The following NALF1 variants were observed in gnomAD, a reference collection of about 807,000 sequenced individuals.
The protein encoded by NALF1 is family with sequence similarity 155 member A.
Under a neutral mutation model 48.4 loss-of-function variants are expected in NALF1, and 3 were observed. The observed-to-expected ratio is 0.06, with a 90% CI of 0.03 to 0.16. The LOEUF (loss-of-function observed/expected upper bound fraction) is 0.16, where lower values mean the gene tolerates loss of function less well. Among genes scored for constraint, NALF1 ranks in the 10% least tolerant of loss-of-function variants. The pLI, the probability that NALF1 is intolerant of heterozygous loss-of-function variation, is 1.00. For synonymous variants in NALF1, 262 were observed against 245.7 expected, an observed-to-expected ratio of 1.07 and a Z score of -0.62; for missense variants, 526 against 571.5, an observed-to-expected ratio of 0.92 and a Z score of 0.81.
chr13:107,471,116 G>A (rs910980365), intron 1 of NALF1, among the ~76,000 whole-genome samples: 2 of 152,268 alleles, frequency 1.3e-5, no homozygotes, highest in African/African-American at 4.8e-5. Flanking sequence ...CTACTGGAGA[G>A]GCTGAAAGAG....
intron 1 of NALF1, among the ~76,000 whole-genome samples, chr13:107,505,201 C>T (rs1875655952): frequency 6.6e-6 from 1 of 152,084 alleles, no homozygotes; most frequent in Admixed American, 6.6e-5. Context: ...ATGTTCCTAG[C>T]AGACAATACA....
At chr13:107,659,197 G>A (rs944790253) in intron 1 of NALF1, among the ~76,000 whole-genome samples, 2 of 151,518 alleles carry the variant, frequency 1.3e-5, no homozygotes, top group African/African-American at 4.9e-5. Flanking sequence ...AGAATCCACT[G>A]AAGTGTCACG....
intron 1 of NALF1, among the ~76,000 whole-genome samples, chr13:107,751,269 C>A (rs1039248074): frequency 6.6e-6 from 1 of 152,128 alleles, no homozygotes; most frequent in African/African-American, 2.4e-5. Flanking sequence ...GCTTTGCCCA[C>A]GGTAGAGGTA....
At chr13:107,292,268 C>G (rs1326993422) in intron 1 of NALF1, among the ~76,000 whole-genome samples, 2 of 152,158 alleles carry the variant, frequency 1.3e-5, no homozygotes, top group Non-Finnish European at 2.9e-5. Flanking sequence ...CTGTATAGGG[C>G]ACATGCCATG....
chr13:107,747,021 G>A (rs773375894), intron 1 of NALF1, among the ~76,000 whole-genome samples: 2 of 152,100 alleles, frequency 1.3e-5, no homozygotes, highest in Non-Finnish European at 2.9e-5. Context: ...CAAAAGCACT[G>A]GCAACAAAAG....
At position 107,170,211 on chromosome 13, in the gene NALF1, C is replaced by A. The variant is rs951608941; in HGVS notation, c.*286G>T. Reference sequence around the variant, plus strand: ...TGTATTAACAAGTGCAAAAAATAAACAAACAAATAAACCCAAACCAAAACG... The same window carrying A: ...TGTATTAACAAGTGCAAAAAATAAAAAAACAAATAAACCCAAACCAAAACG... On this transcript the variant is annotated 3_prime_UTR_variant, in exon 3 of 3. Transcript: ENST00000375915. 3.9e-5 allele frequency: 12 copies of A among 307,748 alleles called. No homozygotes were observed. The highest frequency in any genetic ancestry group is 2.3e-4 in the African/African-American group (11 of 47,476). 19.1% of individuals were successfully genotyped at this position (307,748 alleles called of 1,614,324 possible).
intron 1 of NALF1, among the ~76,000 whole-genome samples, chr13:107,212,800 C>A (rs1246318533): frequency 6.6e-6 from 1 of 152,104 alleles, no homozygotes; most frequent in East Asian, 1.9e-4. Context: ...TAGGCTTATA[C>A]CTGCAGTTCA....
chr13:107,235,654 T>G (rs56844446), intron 1 of NALF1, among the ~76,000 whole-genome samples: 3,021 of 152,332 alleles, frequency 0.02, 89 homozygotes, highest in African/African-American at 0.069. Flanking sequence ...CAGTCATCCA[T>G]TTTTAAAAAT....
At chr13:107,521,658 G>T (rs1281940443) in intron 1 of NALF1, among the ~76,000 whole-genome samples, 1 of 152,068 alleles carries the variant, frequency 6.6e-6, no homozygotes, top group East Asian at 1.9e-4. Context: ...GTATATACAG[G>T]TATATCGTAT....
chr13:107,843,219 T>C (rs1185448872), intron 1 of NALF1, among the ~76,000 whole-genome samples: 1 of 152,218 alleles, frequency 6.6e-6, no homozygotes, highest in Non-Finnish European at 1.5e-5. Context: ...TGAATTTATT[T>C]AATCTATACA....
At chr13:107,176,881 T>C (rs919962681) in intron 2 of NALF1, among the ~76,000 whole-genome samples, 19 of 151,850 alleles carry the variant, frequency 1.3e-4, no homozygotes, top group South Asian at 6.2e-4. Context: ...TGATATAATT[T>C]TGTTTGTTTT....
intron 1 of NALF1, among the ~76,000 whole-genome samples, chr13:107,453,400 C>T (rs1057003843): frequency 2.0e-5 from 3 of 152,230 alleles, no homozygotes; most frequent in African/African-American, 7.2e-5. Flanking sequence ...CACATGGAAG[C>T]CATCAAGGCA....
chr13:107,454,556 T>C (rs969880594), intron 1 of NALF1, among the ~76,000 whole-genome samples: 3 of 151,986 alleles, frequency 2.0e-5, no homozygotes, highest in Non-Finnish European at 4.4e-5. Flanking sequence ...CCATGACACA[T>C]GGGGATTATA....
At chr13:107,837,262 G>A (rs1201804751) in intron 1 of NALF1, among the ~76,000 whole-genome samples, 1 of 152,132 alleles carries the variant, frequency 6.6e-6, no homozygotes, top group Non-Finnish European at 1.5e-5. Context: ...TAGTTGAAAA[G>A]GAAAAATAAA....
chr13:107,217,660 T>C (rs117519734), intron 1 of NALF1, among the ~76,000 whole-genome samples: 3,522 of 152,226 alleles, frequency 0.023, 82 homozygotes, highest in South Asian at 0.079. Context: ...GTGAGAAACC[T>C]GGGGGTCATC....
At chr13:107,637,454 T>C (rs1164459844) in intron 1 of NALF1, among the ~76,000 whole-genome samples, 1 of 152,164 alleles carries the variant, frequency 6.6e-6, no homozygotes, top group Non-Finnish European at 1.5e-5. Context: ...CTCTGTGTTA[T>C]ATTCTAACCC....
At chr13:107,770,384 T>C (rs908184064) in intron 1 of NALF1, among the ~76,000 whole-genome samples, 2 of 152,172 alleles carry the variant, frequency 1.3e-5, no homozygotes, top group African/African-American at 4.8e-5. Context: ...GTCAACTCTT[T>C]TGCATGCCTA....
intron 1 of NALF1, among the ~76,000 whole-genome samples, chr13:107,461,139 A>T (rs2139043225): frequency 6.6e-6 from 1 of 152,278 alleles, no homozygotes; most frequent in Middle Eastern, 3.4e-3. Context: ...ATAAATAAAG[A>T]CCCAAGCTAT....
chr13:107,786,642 G>C (rs946061471), intron 1 of NALF1, among the ~76,000 whole-genome samples: 1 of 151,576 alleles, frequency 6.6e-6, no homozygotes, highest in Admixed American at 6.6e-5. Flanking sequence ...TGAGGCAGAA[G>C]AATCACTTGA....
Sources: allele counts gnomAD v4.1 joint callset (sites outside exome capture counted in the v4.1 genomes callset), GRCh38; gene constraint gnomAD v4.1.1; transcripts MANE v1.5; gene names NCBI Gene and HGNC (gene_info 2026-07-23, HGNC 2026-07-21).